The following FGF1 variants were observed in gnomAD, a reference collection of about 807,000 sequenced individuals.
The protein encoded by FGF1 is fibroblast growth factor 1, also known as beta-endothelial cell growth factor.
A neutral mutation model predicts 13.4 loss-of-function variants in FGF1; 9 were observed. That is an observed-to-expected ratio of 0.67 (90% CI 0.40 to 1.17). FGF1 has a LOEUF of 1.17. Ranked by LOEUF, FGF1 falls within the 50% of genes most tolerant of loss-of-function variation. The pLI is 0.01. For missense variants in FGF1, 156 were observed against 192.7 expected, an observed-to-expected ratio of 0.81 and a Z score of 1.13; for synonymous variants, 93 against 79.0, an observed-to-expected ratio of 1.18 and a Z score of -0.94.
At chr5:142,595,534 C>A in intron 3 of FGF1, 50 bp from the exon 4 acceptor site, 1 of 1,502,274 alleles carries the variant, frequency 6.7e-7, no homozygotes, top group Non-Finnish European at 9.1e-7. Flanking sequence ...AGTAGTTTCA[C>A]ATGGGGGTCC....
intron 1 of FGF1, among the ~76,000 whole-genome samples, chr5:142,625,692 C>A (rs888830290): frequency 6.6e-6 from 1 of 152,204 alleles, no homozygotes; most frequent in African/African-American, 2.4e-5. Flanking sequence ...CAGGGCTTCA[C>A]GCCAAATGCA....
chr5:142,604,793 A>T (rs1261823822), intron 2 of FGF1, among the ~76,000 whole-genome samples: 1 of 152,102 alleles, frequency 6.6e-6, no homozygotes, highest in Non-Finnish European at 1.5e-5. Context: ...CAGGTCGAGT[A>T]CTCCAAGTAT....
At chr5:142,666,216 A>C (rs13161790) in intron 1 of FGF1, among the ~76,000 whole-genome samples, 2 of 87,022 alleles carry the variant, frequency 2.3e-5, no homozygotes, top group Admixed American at 1.1e-4. Flanking sequence ...CCTCGCGAAA[A>C]AGGACTTTTC....
intron 1 of FGF1, among the ~76,000 whole-genome samples, chr5:142,663,814 G>C (rs1021896015): frequency 6.6e-6 from 1 of 152,228 alleles, no homozygotes; most frequent in Non-Finnish European, 1.5e-5. Flanking sequence ...AAGTGGTTAA[G>C]ACATGAATAA....
At chr5:142,611,289 C>T (rs1171461891) in intron 2 of FGF1, among the ~76,000 whole-genome samples, 1 of 152,154 alleles carries the variant, frequency 6.6e-6, no homozygotes, top group Non-Finnish European at 1.5e-5. Flanking sequence ...TACATCCGTG[C>T]CCAGGACTCC....
At chr5:142,695,738 A>G (rs1753020827) in intron 2 of FGF1, among the ~76,000 whole-genome samples, 2 of 152,192 alleles carry the variant, frequency 1.3e-5, no homozygotes, top group Admixed American at 1.3e-4. Flanking sequence ...GCTACCACAG[A>G]GAGGGCTTGG....
intron 1 of FGF1, among the ~76,000 whole-genome samples, chr5:142,681,949 C>T (rs974548438): frequency 1.3e-5 from 2 of 152,176 alleles, no homozygotes; most frequent in Non-Finnish European, 1.5e-5. Flanking sequence ...TGTCTGAGTG[C>T]GCGTACATGT....
chr5:142,595,505 G>A, intron 3 of FGF1, 21 bp from the exon 4 acceptor site: 1 of 1,603,926 alleles, frequency 6.2e-7, no homozygotes. Flanking sequence ...AAAACCAAAA[G>A]AGAGTAGGAC....
intron 1 of FGF1, among the ~76,000 whole-genome samples, chr5:142,675,496 C>G (rs935340851): frequency 3.2e-4 from 49 of 152,202 alleles, no homozygotes; most frequent in Admixed American, 2.7e-3. Context: ...TTGATCACCA[C>G]TGGGTTTTTC....
At chr5:142,687,308 G>A (rs1180943910), upstream of FGF1, among the ~76,000 whole-genome samples, 2 of 152,180 alleles carry the variant, frequency 1.3e-5, no homozygotes, top group African/African-American at 4.8e-5. Flanking sequence ...ACTCCCCACA[G>A]AGCATGGGGG....
chr5:142,635,269 G>C (rs1426199501), intron 1 of FGF1, among the ~76,000 whole-genome samples: 1 of 152,070 alleles, frequency 6.6e-6, no homozygotes, highest in Non-Finnish European at 1.5e-5. Flanking sequence ...TGTTGGGGAG[G>C]ATTAAATGAG....
intron 1 of FGF1, among the ~76,000 whole-genome samples, chr5:142,678,164 A>G (rs1293870460): frequency 6.6e-6 from 1 of 152,114 alleles, no homozygotes; most frequent in Non-Finnish European, 1.5e-5. Flanking sequence ...TTACCCCCCA[A>G]GAGGCCTCCT....
intron 1 of FGF1, among the ~76,000 whole-genome samples, chr5:142,650,729 G>C (rs1767078916): frequency 6.6e-6 from 1 of 151,974 alleles, no homozygotes; most frequent in Non-Finnish European, 1.5e-5. Context: ...AACTATAGCA[G>C]TAGTTAAAGT....
chr5:142,679,680 T>C (rs796841869), intron 1 of FGF1, among the ~76,000 whole-genome samples: 26 of 152,232 alleles, frequency 1.7e-4, no homozygotes, highest in African/African-American at 6.0e-4. Flanking sequence ...TTTGCTTCCT[T>C]CCTCCCTCTT....
chr5:142,694,914 C>T (rs1301974274), intron 2 of FGF1, among the ~76,000 whole-genome samples: 1 of 151,988 alleles, frequency 6.6e-6, no homozygotes, highest in Non-Finnish European at 1.5e-5. Flanking sequence ...TACTGGGCAC[C>T]CAGGTGGCAG....
intron 2 of FGF1, among the ~76,000 whole-genome samples, chr5:142,605,045 C>T (rs188294308): frequency 2.0e-4 from 30 of 152,234 alleles, no homozygotes; most frequent in East Asian, 5.8e-4. Flanking sequence ...ATTATAGGTG[C>T]GACAGAAACC....
chr5:142,683,487 C>A (rs370031875), intron 1 of FGF1, among the ~76,000 whole-genome samples: 1 of 152,212 alleles, frequency 6.6e-6, no homozygotes, highest in African/African-American at 2.4e-5. Context: ...AAATGCATTC[C>A]TAATTTTGCT....
chr5:142,694,245 A>G (rs1752751080), intron 2 of FGF1, among the ~76,000 whole-genome samples: 2 of 151,484 alleles, frequency 1.3e-5, no homozygotes, highest in South Asian at 2.1e-4. Context: ...GATCTCTTAC[A>G]TTCCTGGCCT....
At chr5:142,656,162 C>T (rs1768106761) in intron 1 of FGF1, among the ~76,000 whole-genome samples, 1 of 151,902 alleles carries the variant, frequency 6.6e-6, no homozygotes, top group African/African-American at 2.4e-5. Flanking sequence ...ACTCTTTTAA[C>T]ACATCTAAAT....
Sources: gnomAD v4.1 joint callset for allele counts (sites outside exome capture counted in the v4.1 genomes callset) on GRCh38, gnomAD v4.1.1 for gene constraint, MANE v1.5 for transcripts, NCBI Gene and HGNC (gene_info 2026-07-23, HGNC 2026-07-21) for gene names.